Variants in CERS6 observed in about 807,000 individuals in gnomAD.
CERS6 encodes LAG1 homolog, ceramide synthase 6.
In CERS6, 26 loss-of-function variants were observed where a neutral mutation model predicts 56.8. The ratio of observed to expected loss-of-function variants is 0.46; its 90% CI spans 0.34 to 0.63. The LOEUF is 0.63. Ranked by LOEUF, CERS6 falls within the 30% of genes least tolerant of loss-of-function variation. The pLI, the probability that CERS6 is intolerant of heterozygous loss-of-function variation, is 0.01. For synonymous variants in CERS6, 164 were observed against 173.3 expected (o/e 0.95, Z 0.42); for missense variants, 415 against 467.5 (o/e 0.89, Z 1.04).
chr2:168,682,873 G>A (rs983931220), intron 4 of CERS6, among the ~76,000 whole-genome samples: 5 of 152,042 alleles, frequency 3.3e-5, no homozygotes, highest in African/African-American at 7.2e-5. Context: ...GCTTACATCC[G>A]GGTCTTTATC....
At chr2:168,510,834 A>C (rs985066269) in intron 1 of CERS6, among the ~76,000 whole-genome samples, 1 of 152,174 alleles carries the variant, frequency 6.6e-6, no homozygotes, top group African/African-American at 2.4e-5. Flanking sequence ...ACTAACTTAC[A>C]ATAAAATAAA....
At chr2:168,742,989 G>A (rs947813378) in intron 8 of CERS6, among the ~76,000 whole-genome samples, 3 of 152,030 alleles carry the variant, frequency 2.0e-5, no homozygotes, top group Non-Finnish European at 4.4e-5. Flanking sequence ...TTGCTTATTT[G>A]GAATTTCGAT....
chr2:168,502,845 C>T (rs1233558291), intron 1 of CERS6, among the ~76,000 whole-genome samples: 1 of 152,184 alleles, frequency 6.6e-6, no homozygotes, highest in Admixed American at 6.5e-5. Flanking sequence ...CCAATAGGAA[C>T]CAGCACGGTC....
chr2:168,488,106 T>C (rs944618321), intron 1 of CERS6, among the ~76,000 whole-genome samples: 6 of 152,192 alleles, frequency 3.9e-5, no homozygotes, highest in Admixed American at 6.5e-5. Context: ...TTGTCAAACA[T>C]GCAGTGTTTT....
intron 3 of CERS6, among the ~76,000 whole-genome samples, chr2:168,603,879 G>A (rs999485739): frequency 6.6e-6 from 1 of 152,166 alleles, no homozygotes; most frequent in African/African-American, 2.4e-5. Flanking sequence ...TAGTTTGTGG[G>A]CTGATTATGT....
At chr2:168,604,312 C>T (rs1239536647) in intron 3 of CERS6, among the ~76,000 whole-genome samples, 3 of 152,054 alleles carry the variant, frequency 2.0e-5, no homozygotes, top group Non-Finnish European at 1.5e-5. Flanking sequence ...TACATTGCCA[C>T]AGGAAAGTGT....
At chr2:168,673,807 A>C (rs552696914) in intron 4 of CERS6, among the ~76,000 whole-genome samples, 1 of 152,324 alleles carries the variant, frequency 6.6e-6, no homozygotes, top group South Asian at 2.1e-4. Flanking sequence ...AAATAATTTA[A>C]TGTTGCCAGT....
intron 4 of CERS6, among the ~76,000 whole-genome samples, chr2:168,663,669 A>C (rs1185373954): frequency 6.6e-6 from 1 of 152,100 alleles, no homozygotes; most frequent in Admixed American, 6.6e-5. Context: ...TTGCCTTTTC[A>C]CTTATTATAT....
chr2:168,618,169 C>T (rs1371240878), intron 3 of CERS6, among the ~76,000 whole-genome samples: 1 of 152,114 alleles, frequency 6.6e-6, no homozygotes, highest in Non-Finnish European at 1.5e-5. Flanking sequence ...AAGCATTTGA[C>T]AAAATCCAGC....
At chr2:168,691,625 AG>A (rs1232175155) in intron 5 of CERS6, among the ~76,000 whole-genome samples, 2 of 152,248 alleles carry the variant, frequency 1.3e-5, no homozygotes, top group Non-Finnish European at 2.9e-5. Flanking sequence ...ATTGAAAGTG[AG>A]ATTAAAATCA....
chr2:168,575,377 A>G (rs1205110490), intron 3 of CERS6, among the ~76,000 whole-genome samples: 3 of 152,140 alleles, frequency 2.0e-5, no homozygotes, highest in Non-Finnish European at 2.9e-5. Flanking sequence ...GGCAAGGGAA[A>G]GCAAGGCAGG....
At chr2:168,613,365 G>A (rs115626180) in intron 3 of CERS6, among the ~76,000 whole-genome samples, 2,016 of 152,276 alleles carry the variant, frequency 0.013, 18 homozygotes, top group Admixed American at 0.021. Flanking sequence ...GTGAAAAGAA[G>A]GCTGAGGATG....
intron 3 of CERS6, among the ~76,000 whole-genome samples, chr2:168,630,015 A>ACC (rs1300875472): frequency 6.6e-6 from 1 of 151,912 alleles, no homozygotes; most frequent in Non-Finnish European, 1.5e-5. Flanking sequence ...ACGGGATTTC[A>ACC]CCGTGTTAAC....
intron 3 of CERS6, among the ~76,000 whole-genome samples, chr2:168,623,657 A>G (rs566066904): frequency 6.6e-6 from 1 of 152,322 alleles, no homozygotes; most frequent in Admixed American, 6.5e-5. Context: ...AATCTACCTA[A>G]ACAAACAAAG....
intron 8 of CERS6, among the ~76,000 whole-genome samples, chr2:168,733,561 A>G (rs893273165): frequency 2.6e-5 from 4 of 152,200 alleles, no homozygotes; most frequent in African/African-American, 9.7e-5. Context: ...AAAGGGAGAA[A>G]AATTTGACAG....
chr2:168,675,571 G>A (rs1479464308), intron 4 of CERS6, among the ~76,000 whole-genome samples: 8 of 152,068 alleles, frequency 5.3e-5, no homozygotes, highest in African/African-American at 2.4e-5. Context: ...GGGTGACAGA[G>A]CGAGACCCTG....
intron 4 of CERS6, among the ~76,000 whole-genome samples, chr2:168,666,549 G>A (rs1040195654): frequency 6.6e-6 from 1 of 152,148 alleles, no homozygotes; most frequent in Non-Finnish European, 1.5e-5. Flanking sequence ...ATACCACAGT[G>A]TATTCATCTG....
At chr2:168,700,901 G>C (rs1345693781) in intron 6 of CERS6, among the ~76,000 whole-genome samples, 4 of 152,168 alleles carry the variant, frequency 2.6e-5, no homozygotes, top group Non-Finnish European at 5.9e-5. Flanking sequence ...GATACTGCCA[G>C]TTCTTCACCC....
At chr2:168,716,754 T>C (rs1160361982) in intron 7 of CERS6, among the ~76,000 whole-genome samples, 1 of 152,142 alleles carries the variant, frequency 6.6e-6, no homozygotes, top group Admixed American at 6.5e-5. Flanking sequence ...TTTATGGTGT[T>C]ACACCTGAAG....
Sources: gnomAD v4.1 joint callset for allele counts (sites outside exome capture counted in the v4.1 genomes callset) on GRCh38, gnomAD v4.1.1 for gene constraint, MANE v1.5 for transcripts, NCBI Gene and HGNC (gene_info 2026-07-23, HGNC 2026-07-21) for gene names.